MAPK10: variants seen among roughly 807,000 people sequenced by gnomAD.
The protein encoded by MAPK10 is JNK3 alpha protein kinase.
Under a neutral mutation model 59.3 loss-of-function variants are expected in MAPK10, and 25 were observed. The ratio of observed to expected loss-of-function variants is 0.42; its 90% CI spans 0.31 to 0.59. MAPK10 has a LOEUF of 0.59. Among genes scored for constraint, MAPK10 ranks in the 20% least tolerant of loss-of-function variants. The pLI is 0.15. For missense variants in MAPK10, 351 were observed against 568.9 expected, an observed-to-expected ratio of 0.62 and a Z score of 3.90; for synonymous variants, 190 against 200.5, an observed-to-expected ratio of 0.95 and a Z score of 0.44.
At chr4:86,132,940 T>G (rs2061274628) in intron 4 of MAPK10, among the ~76,000 whole-genome samples, 1 of 152,194 alleles carries the variant, frequency 6.6e-6, no homozygotes, top group Non-Finnish European at 1.5e-5. Flanking sequence ...AGAAATAAAG[T>G]GCACAATAAA....
At chr4:86,091,031 T>G (rs1164244483) in intron 9 of MAPK10, 2 of 152,068 alleles carry the variant, frequency 1.3e-5, no homozygotes. Context: ...TAAACCTCAA[T>G]TTTATCCCCT....
chr4:86,187,389 G>A (rs2078508915), intron 3 of MAPK10, among the ~76,000 whole-genome samples: 2 of 152,148 alleles, frequency 1.3e-5, no homozygotes, highest in African/African-American at 4.8e-5. Flanking sequence ...TTATATGGAC[G>A]TGCTGCACAA....
intron 2 of MAPK10, among the ~76,000 whole-genome samples, chr4:86,325,619 A>G (rs143705808): frequency 0.01 from 1,524 of 152,350 alleles, 5 homozygotes; most frequent in Non-Finnish European, 0.015. Context: ...CTGTATCTGA[A>G]TTTTAAAATA....
At chr4:86,243,059 AG>A (rs1298748321) in intron 2 of MAPK10, among the ~76,000 whole-genome samples, 1 of 152,146 alleles carries the variant, frequency 6.6e-6, no homozygotes, top group Non-Finnish European at 1.5e-5. Context: ...GGCTGGCGGG[AG>A]GGGGGTCCCC....
chr4:86,194,682 A>G, intron 2 of MAPK10, among the ~76,000 whole-genome samples: 1 of 152,078 alleles, frequency 6.6e-6, no homozygotes. Context: ...AAAGGGAAAT[A>G]CATCCTGTTA....
At chr4:86,242,432 T>G (rs935888076) in intron 2 of MAPK10, among the ~76,000 whole-genome samples, 3 of 152,164 alleles carry the variant, frequency 2.0e-5, no homozygotes, top group Non-Finnish European at 4.4e-5. Context: ...CTGCCCAGAT[T>G]CCTCAGAACT....
At chr4:86,209,230 C>T (rs1472455833) in intron 2 of MAPK10, among the ~76,000 whole-genome samples, 4 of 151,994 alleles carry the variant, frequency 2.6e-5, no homozygotes, top group Non-Finnish European at 5.9e-5. Context: ...TAAACTGAAT[C>T]TAAAAGTAAC....
intron 2 of MAPK10, among the ~76,000 whole-genome samples, chr4:86,321,630 A>C (rs909581124): frequency 2.0e-5 from 3 of 150,596 alleles, no homozygotes; most frequent in African/African-American, 7.3e-5. Context: ...GATATACCTA[A>C]TGCTAAATGA....
intron 9 of MAPK10, among the ~76,000 whole-genome samples, chr4:86,088,222 C>T (rs189623058): frequency 1.3e-5 from 2 of 152,174 alleles, no homozygotes; most frequent in African/African-American, 4.8e-5. Context: ...CTGTTGCCTA[C>T]CTAGGCTGCA....
At chr4:86,537,633 T>C (rs1333373409) in intron 1 of MAPK10, among the ~76,000 whole-genome samples, 1 of 152,232 alleles carries the variant, frequency 6.6e-6, no homozygotes, top group East Asian at 1.9e-4. Context: ...CTGAGAAATA[T>C]TTTTGGTTCT....
intron 1 of MAPK10, among the ~76,000 whole-genome samples, chr4:86,518,783 T>A (rs1432935621): frequency 6.6e-6 from 1 of 152,186 alleles, no homozygotes; most frequent in Non-Finnish European, 1.5e-5. Flanking sequence ...CATCACTTTT[T>A]CTGTATCTCA....
intron 1 of MAPK10, among the ~76,000 whole-genome samples, chr4:86,367,727 C>T (rs1738150500): frequency 6.6e-6 from 1 of 151,450 alleles, no homozygotes; most frequent in Non-Finnish European, 1.5e-5. Flanking sequence ...TCTTGCAAAA[C>T]TTGTGACCAC....
At chr4:86,581,706 G>A (rs964606088) in intron 1 of MAPK10, among the ~76,000 whole-genome samples, 1 of 147,500 alleles carries the variant, frequency 6.8e-6, no homozygotes, top group Non-Finnish European at 1.5e-5. Context: ...GTGTGTGTGT[G>A]TGTGTTATTT....
At chr4:86,587,942 A>G (rs1207330878) in intron 1 of MAPK10, among the ~76,000 whole-genome samples, 1 of 152,232 alleles carries the variant, frequency 6.6e-6, no homozygotes, top group East Asian at 1.9e-4. Context: ...ACTTGAGCCC[A>G]GGAGTTTGAG....
At chr4:86,213,947 G>A (rs2086609689) in intron 2 of MAPK10, among the ~76,000 whole-genome samples, 1 of 151,980 alleles carries the variant, frequency 6.6e-6, no homozygotes, top group Admixed American at 6.6e-5. Flanking sequence ...ATATCCCTGT[G>A]AATATTGATG....
intron 2 of MAPK10, among the ~76,000 whole-genome samples, chr4:86,257,308 C>T (rs192456576): frequency 5.3e-5 from 8 of 152,172 alleles, no homozygotes; most frequent in East Asian, 3.9e-4. Flanking sequence ...GGTTGGGTTA[C>T]GGTAAATTGG....
At chr4:86,168,920 C>A (rs2072989418) in intron 3 of MAPK10, among the ~76,000 whole-genome samples, 1 of 152,156 alleles carries the variant, frequency 6.6e-6, no homozygotes, top group Admixed American at 6.5e-5. Context: ...ATCCACTGTT[C>A]CGAAGCCATC....
chr4:86,267,679 A>G (rs1407580154), intron 2 of MAPK10, among the ~76,000 whole-genome samples: 1 of 151,918 alleles, frequency 6.6e-6, no homozygotes, highest in Admixed American at 6.6e-5. Flanking sequence ...TGATTTTTGC[A>G]CTTGCTTTTC....
intron 1 of MAPK10, among the ~76,000 whole-genome samples, chr4:86,421,779 A>C (rs142567219): frequency 1.3e-5 from 2 of 152,332 alleles, no homozygotes; most frequent in East Asian, 1.9e-4. Context: ...TTTTAAAAGC[A>C]TAAGTAGGAT....
Sources: allele counts gnomAD v4.1 joint callset (sites outside exome capture counted in the v4.1 genomes callset), GRCh38; gene constraint gnomAD v4.1.1; transcripts MANE v1.5; gene names NCBI Gene and HGNC (gene_info 2026-07-23, HGNC 2026-07-21).